TVP23A: variants seen among roughly 807,000 people sequenced by gnomAD.
TVP23A encodes the protein Golgi apparatus membrane protein TVP23 homolog A.
Under a neutral mutation model 31.7 loss-of-function variants are expected in TVP23A, and 21 were observed. The observed-to-expected ratio is 0.66, with a 90% CI of 0.47 to 0.95. The LOEUF is 0.95. Ranked by LOEUF, TVP23A falls within the 40% of genes least tolerant of loss-of-function variation. The pLI, the probability that TVP23A is intolerant of heterozygous loss-of-function variation, is 0.00. For missense variants in TVP23A, 279 were observed against 255.6 expected, an observed-to-expected ratio of 1.09 and a Z score of -0.62; for synonymous variants, 104 against 96.0, an observed-to-expected ratio of 1.08 and a Z score of -0.49.
rs1252435084 is a variant in TVP23A, at chr16:10,761,331, A to G, written c.*444T>C. 1.1e-5 allele frequency: 17 copies of G among 1,598,026 alleles called. No individual in the cohort carries two copies. In the Admixed American group the frequency reaches 1.8e-4, roughly 17 times the overall value. ...CAGACATTCCCTTTCTCGCACTTTG[A>G]TGCTGGAATCACTGGTCTTTTCACC... On this transcript the variant is annotated 3_prime_UTR_variant and NMD_transcript_variant, in exon 9 of 9. Transcript: ENST00000456096.
At chr16:10,783,620 G>A (rs143807121) in intron 2 of TVP23A, among the ~76,000 whole-genome samples, 1,993 of 152,284 alleles carry the variant, frequency 0.013, 44 homozygotes, top group African/African-American at 0.046. Context: ...AGGTTGCAGT[G>A]AGCCAAGATC....
intron 2 of TVP23A, among the ~76,000 whole-genome samples, chr16:10,795,407 C>T (rs985099857): frequency 7.2e-5 from 11 of 151,976 alleles, no homozygotes; most frequent in African/African-American, 1.9e-4. Flanking sequence ...TGCACTACCA[C>T]GCCTGGCTAA....
At chr16:10,773,926 TG>T in intron 4 of TVP23A, 112 bp downstream of exon 4, 1 of 827,536 alleles carries the variant, frequency 1.2e-6, no homozygotes, top group Non-Finnish European at 1.9e-6. Context: ...TTGGCAATGG[TG>T]GCTTTTGTGT....
chr16:10,805,731 C>A (rs1296618346), intron 2 of TVP23A, among the ~76,000 whole-genome samples: 1 of 151,622 alleles, frequency 6.6e-6, no homozygotes, highest in Non-Finnish European at 1.5e-5. Flanking sequence ...TTATTGTCTT[C>A]TCCCTAAGTA....
At position 10,767,416 on chromosome 16, in the gene TVP23A, C is replaced by T. The variant is rs1252558664; in HGVS notation, c.*1686G>A. 5.0e-6 allele frequency: 2 copies of T among 399,912 alleles called. No homozygotes were observed. The highest frequency in any genetic ancestry group is 4.1e-5 in the African/African-American group (2 of 48,640). The allele number at this position is 399,912 out of a possible 1,614,324, so 24.8% of individuals were successfully genotyped here. A position where few individuals can be genotyped will look rare whatever the true frequency, so the allele number is the denominator to read the frequency against. On this transcript the variant is annotated 3_prime_UTR_variant, in exon 8 of 8. Transcript: ENST00000299866. This position sits in a 1 kb window ranked among gnomAD's most constrained non-coding sequence, Gnocchi z 4.6. ...ATAAAATTATACACAGACAAAGCAG[C>T]AGGCAGAATGTGTGTGTCATGTGCT...
At chr16:10,788,167 G>A (rs546357974) in intron 2 of TVP23A, among the ~76,000 whole-genome samples, 12 of 152,226 alleles carry the variant, frequency 7.9e-5, no homozygotes, top group African/African-American at 1.9e-4. Context: ...CTGGGTCATA[G>A]GTAAATTCAA....
At chr16:10,788,020 G>C (rs181677682) in intron 2 of TVP23A, among the ~76,000 whole-genome samples, 181 of 152,258 alleles carry the variant, frequency 1.2e-3, no homozygotes, top group African/African-American at 4.3e-3. Context: ...ATGGGGTCCT[G>C]AGAACATGTG....
chr16:10,767,865 C>G lies in TVP23A; in HGVS notation c.*1237G>C. ...CGGGCTCAAGATCTTCCCATTGTCA[C>G]CAGCACGGAAAGAGCCCCAAGATCT... On this transcript the variant is annotated 3_prime_UTR_variant, in exon 8 of 8. Transcript: ENST00000299866. This position sits in a 1 kb window ranked among gnomAD's most constrained non-coding sequence, Gnocchi z 4.6. The G allele has an allele frequency of 7.9e-7, 1 of 1,267,006 alleles. No individual in the cohort carries two copies. Among genetic ancestry groups the G allele is most frequent in the Non-Finnish European group, 1.2e-6 (1 of 867,340 alleles). 78.5% of individuals were successfully genotyped at this position (1,267,006 alleles called of 1,614,324 possible).
downstream of TVP23A, among the ~76,000 whole-genome samples, chr16:10,762,308 C>G (rs921980230): frequency 3.3e-5 from 5 of 152,142 alleles, no homozygotes; most frequent in Admixed American, 2.6e-4. Context: ...CGGGACAGAC[C>G]GGAACGCGGA....
intron 2 of TVP23A, among the ~76,000 whole-genome samples, chr16:10,793,468 A>G (rs1358832169): frequency 6.6e-6 from 1 of 152,104 alleles, no homozygotes; most frequent in Admixed American, 6.6e-5. Context: ...TTGTAGTGGC[A>G]TCATTCTAAT....
rs1040455976 is a variant in TVP23A, at chr16:10,779,502, C to G, written c.90-4406G>C. 7.2e-5 allele frequency among the ~76,000 whole-genome samples: 11 copies of G among 152,192 alleles called. No homozygotes were observed. Among genetic ancestry groups the G allele is most frequent in the South Asian group, 6.2e-4 (3 of 4,834 alleles). On this transcript the variant is annotated intron_variant, in intron 2 of 7. Coordinates refer to ENST00000299866, the MANE Select transcript of TVP23A (RefSeq NM_001079512.4). The surrounding 1 kb of genome is among the most constrained non-coding windows in gnomAD (Gnocchi z 4.9). ...ACCTCCAGTTCCCAGTGCCATTGCT[C>G]TCTAACTCCGCCCTCCCAGGCACCA...
At chr16:10,796,988 G>A (rs949201617) in intron 2 of TVP23A, among the ~76,000 whole-genome samples, 1 of 152,046 alleles carries the variant, frequency 6.6e-6, no homozygotes. Context: ...CCAAGAATTC[G>A]AGAACAGCCT....
chr16:10,772,756 A>C (rs144053623), intron 5 of TVP23A, among the ~76,000 whole-genome samples: 1 of 151,384 alleles, frequency 6.6e-6, no homozygotes, highest in African/African-American at 2.4e-5. Context: ...GGAGGAACAG[A>C]AGCACAGGGA....
intron 2 of TVP23A, among the ~76,000 whole-genome samples, chr16:10,799,662 T>C (rs2033595734): frequency 6.6e-6 from 1 of 152,038 alleles, no homozygotes; most frequent in Non-Finnish European, 1.5e-5. Flanking sequence ...CTGCATAAGG[T>C]ATGTTGTTGT....
intron 2 of TVP23A, among the ~76,000 whole-genome samples, chr16:10,798,191 C>T (rs369286597): frequency 5.3e-5 from 8 of 151,860 alleles, no homozygotes; most frequent in African/African-American, 1.9e-4. Context: ...GATCTCCTGA[C>T]CTTGTTATCT....
At chr16:10,806,863 A>G (rs771025064) in intron 2 of TVP23A, among the ~76,000 whole-genome samples, 9 of 152,220 alleles carry the variant, frequency 5.9e-5, no homozygotes, top group Non-Finnish European at 1.2e-4. Flanking sequence ...AGAAATATAA[A>G]TAAGAGGAAG....
intron 2 of TVP23A, chr16:10,775,605 C>T (rs2031954426): frequency 2.1e-6 from 2 of 945,458 alleles, no homozygotes; most frequent in African/African-American, 1.8e-5. Flanking sequence ...CATACTTGCT[C>T]AGTGGTGAAT....
Position 10,768,120 on chromosome 16 carries a change from G to T in TVP23A, c.*982C>A. On this transcript the variant is annotated 3_prime_UTR_variant, in exon 8 of 8. Transcript: ENST00000299866. This position sits in a 1 kb window ranked among gnomAD's most constrained non-coding sequence, Gnocchi z 4.3. The stretch of plus-strand genomic sequence containing the variant: ...CAGGGGTGTGGAAGGACAGGTGGGT[G>T]GTGGGGTCTGTGATGACCACAGAGT... 2 of 1,293,986 alleles carry T rather than the reference G, an allele frequency of 1.5e-6. No individual in the cohort carries two copies. The highest frequency in any genetic ancestry group is 1.2e-5 in the South Asian group (1 of 84,110). The allele number at this position is 1,293,986 out of a possible 1,614,324, so 80.2% of individuals were successfully genotyped here. A position where few individuals can be genotyped will look rare whatever the true frequency, so the allele number is the denominator to read the frequency against.
At chr16:10,771,001 G>A (rs116445527) in intron 6 of TVP23A, among the ~76,000 whole-genome samples, 2,831 of 151,778 alleles carry the variant, frequency 0.019, 88 homozygotes, top group African/African-American at 0.065. Context: ...TGCACTTATA[G>A]GAGGTCCCTA....
Sources: gnomAD v4.1 joint callset for allele counts (sites outside exome capture counted in the v4.1 genomes callset) on GRCh38, gnomAD v4.1.1 for gene constraint, Gnocchi (gnomAD v3.1) non-coding constraint, MANE v1.5 for transcripts, NCBI Gene and HGNC (gene_info 2026-07-23, HGNC 2026-07-21) for gene names.